The following ATP11C variants were observed in gnomAD, a reference collection of about 807,000 sequenced individuals.
ATP11C encodes ATPase phospholipid transporting 11C (ATP11C blood group).
A neutral mutation model predicts 97.4 loss-of-function variants in ATP11C; 36 were observed. The observed-to-expected ratio is 0.37, with a 90% confidence interval of 0.28 to 0.49. The LOEUF is 0.49. Ranked by LOEUF, ATP11C falls within the 20% of genes least tolerant of loss-of-function variation. ATP11C has a pLI of 0.98. For synonymous variants in ATP11C, 275 were observed against 290.9 expected (o/e 0.95, Z 0.56); for missense variants, 730 against 824.6 (o/e 0.89, Z 1.40).
At chrX:139,815,039 T>C in intron 4 of ATP11C, 54 bp from the exon 5 acceptor site, 1 of 745,844 alleles carries the variant, frequency 1.3e-6, no homozygotes, top group Non-Finnish European at 2.0e-6. Context: ...ATAAAGCTGT[T>C]AATAAATTTC....
At chrX:139,853,920 T>C (rs914826579) in intron 1 of ATP11C, among the ~76,000 whole-genome samples, 1 of 109,493 alleles carries the variant, frequency 9.1e-6, no homozygotes, top group African/African-American at 3.3e-5. Context: ...AAAAGATGAT[T>C]TAACATTAAC....
At chrX:139,930,452 C>T (rs1455767652) in intron 1 of ATP11C, among the ~76,000 whole-genome samples, 2 of 111,041 alleles carry the variant, frequency 1.8e-5, no homozygotes, top group African/African-American at 6.6e-5. Flanking sequence ...AAGAGTGCCA[C>T]GTGAAAAGAT....
intron 1 of ATP11C, among the ~76,000 whole-genome samples, chrX:139,850,725 C>T (rs1208180228): frequency 1.8e-5 from 2 of 110,376 alleles, no homozygotes; most frequent in Non-Finnish European, 3.8e-5. Context: ...CTAGCCTGGC[C>T]AAGATGGTGA....
At chrX:139,918,201 T>C (rs1199962456) in intron 1 of ATP11C, among the ~76,000 whole-genome samples, 1 of 111,766 alleles carries the variant, frequency 8.9e-6, no homozygotes, top group Non-Finnish European at 1.9e-5. Flanking sequence ...CACACTGATG[T>C]TCATAGCAGC....
chrX:139,817,448 C>T (rs1176521214), intron 3 of ATP11C, among the ~76,000 whole-genome samples: 1 of 112,238 alleles, frequency 8.9e-6, no homozygotes, highest in African/African-American at 3.2e-5. Context: ...AAGCCAGTGG[C>T]GAGAGGGAGT....
Position 139,932,874 on chromosome X carries a change from G to C in ATP11C, c.-832C>G, listed in dbSNP as rs757022282. On this transcript the variant is annotated 5_prime_UTR_variant, in exon 1 of 30. Transcript: ENST00000682941. ...AGGGGCGGGGCGGGGTGCGAGGGGG[G>C]ACTAGTTCTGAAAGCCCACCCTCCT... 10 of 111,204 alleles carry C rather than the reference G, an allele frequency of 9.0e-5. No homozygotes were observed. Among genetic ancestry groups the C allele is most frequent in the African/African-American group, 2.9e-4 (9 of 30,689 alleles). The allele number at this position is 111,204 out of a possible 1,213,427, so 9.2% of individuals were successfully genotyped here. A position where few individuals can be genotyped will look rare whatever the true frequency, so the allele number is the denominator to read the frequency against.
At chrX:139,800,520 G>A (rs920592813) in intron 7 of ATP11C, among the ~76,000 whole-genome samples, 5 of 112,006 alleles carry the variant, frequency 4.5e-5, no homozygotes, top group Non-Finnish European at 9.4e-5. Flanking sequence ...ACACTTGAGT[G>A]TGCATCAGAA....
At chrX:139,824,124 A>C (rs2083471443) in intron 2 of ATP11C, among the ~76,000 whole-genome samples, 1 of 40,519 alleles carries the variant, frequency 2.5e-5, no homozygotes, top group African/African-American at 1.8e-4. Flanking sequence ...TAAAAATACC[A>C]AAAAAAAAAA....
chrX:139,874,883 T>C (rs2084443689), intron 1 of ATP11C, among the ~76,000 whole-genome samples: 1 of 111,884 alleles, frequency 8.9e-6, no homozygotes, highest in African/African-American at 3.3e-5. Context: ...TGATTAACTT[T>C]ACTAGCAGGT....
At chrX:139,840,014 T>G (rs2083804336) in intron 1 of ATP11C, among the ~76,000 whole-genome samples, 1 of 111,544 alleles carries the variant, frequency 9.0e-6, no homozygotes, top group East Asian at 2.8e-4. Flanking sequence ...CCTTCTCTGG[T>G]GACAATCAAA....
At chrX:139,820,559 A>G (rs2083386759) in intron 2 of ATP11C, among the ~76,000 whole-genome samples, 1 of 110,685 alleles carries the variant, frequency 9.0e-6, no homozygotes, top group Non-Finnish European at 1.9e-5. Context: ...TTTCCATGAC[A>G]GCTGGGAAGG....
At chrX:139,916,144 G>A (rs1294319482) in intron 1 of ATP11C, among the ~76,000 whole-genome samples, 2 of 107,018 alleles carry the variant, frequency 1.9e-5, no homozygotes, top group African/African-American at 6.8e-5. Flanking sequence ...CAAGAGCATC[G>A]CTTGAACCCA....
At chrX:139,880,673 C>CTGTTTTGCTT (rs1283324113) in intron 1 of ATP11C, among the ~76,000 whole-genome samples, 1 of 111,620 alleles carries the variant, frequency 9.0e-6, no homozygotes, top group African/African-American at 3.3e-5. Flanking sequence ...TCAGATTCCC[C>CTGTTTTGCTT]ACCTGATCAG....
intron 1 of ATP11C, among the ~76,000 whole-genome samples, chrX:139,875,339 T>C (rs1298141587): frequency 9.7e-6 from 1 of 103,087 alleles, no homozygotes; most frequent in East Asian, 3.0e-4. Context: ...CTCACACCTG[T>C]AATCCCAGCA....
chrX:139,823,275 T>C (rs1423765944), intron 2 of ATP11C, among the ~76,000 whole-genome samples: 1 of 112,508 alleles, frequency 8.9e-6, no homozygotes, highest in Non-Finnish European at 1.9e-5. Flanking sequence ...ATATATGCTT[T>C]GTAGTGGATT....
chrX:139,818,958 G>A (rs1036706169), intron 3 of ATP11C, among the ~76,000 whole-genome samples: 12 of 111,979 alleles, frequency 1.1e-4, no homozygotes, highest in Admixed American at 1.0e-3. Context: ...AGATGAGTGA[G>A]AAGTTTCCAA....
intron 5 of ATP11C, among the ~76,000 whole-genome samples, chrX:139,805,172 G>A (rs2083014423): frequency 9.0e-6 from 1 of 111,061 alleles, no homozygotes. Context: ...GCTGTCAGGA[G>A]AATCACTTAA....
intron 22 of ATP11C, among the ~76,000 whole-genome samples, chrX:139,758,419 T>A (rs1234958684): frequency 1.8e-5 from 2 of 111,834 alleles, no homozygotes; most frequent in African/African-American, 6.5e-5. Flanking sequence ...TTCTTTTTCC[T>A]AAGTCAGGGC....
chrX:139,842,275 G>T (rs1251715530), intron 1 of ATP11C, among the ~76,000 whole-genome samples: 1 of 112,148 alleles, frequency 8.9e-6, no homozygotes, highest in Non-Finnish European at 1.9e-5. Flanking sequence ...CTCATGATCT[G>T]CCCACCTCAG....
Sources: gnomAD v4.1 joint callset for allele counts (sites outside exome capture counted in the v4.1 genomes callset) on GRCh38, gnomAD v4.1.1 for gene constraint, MANE v1.5 for transcripts, NCBI Gene and HGNC (gene_info 2026-07-23, HGNC 2026-07-21) for gene names.